The following CACNA1C variants were observed in gnomAD, a reference collection of about 807,000 sequenced individuals.
CACNA1C encodes calcium voltage-gated channel subunit alpha1 C, also known as voltage-dependent L-type calcium channel subunit alpha-1C.
Under a neutral mutation model 229.0 loss-of-function variants are expected in CACNA1C, and 30 were observed. That is an observed-to-expected ratio of 0.13 (90% CI 0.10 to 0.18). The LOEUF is 0.18. Among genes scored for constraint, CACNA1C ranks in the 10% least tolerant of loss-of-function variants. The pLI, the probability that CACNA1C is intolerant of heterozygous loss-of-function variation, is 1.00. For missense variants in CACNA1C, 1,658 were observed against 2,845.0 expected (o/e 0.58, Z 9.49); for synonymous variants, 1,114 against 1,132.5 (o/e 0.98, Z 0.33).
chr12:2,565,963 G>A (rs763839275), intron 11 of CACNA1C, among the ~76,000 whole-genome samples: 8 of 152,168 alleles, frequency 5.3e-5, no homozygotes, highest in Non-Finnish European at 7.3e-5. Flanking sequence ...AGGATAATGC[G>A]TGCTTTGCAG....
intron 1 of CACNA1C, among the ~76,000 whole-genome samples, chr12:2,035,346 G>C (rs2048943393): frequency 6.6e-6 from 1 of 152,238 alleles, no homozygotes; most frequent in African/African-American, 2.4e-5. Context: ...TGGAAACAAA[G>C]AAGGGCTCTG....
At chr12:2,230,970 GTCAATCT>G (rs2154362131) in intron 3 of CACNA1C, among the ~76,000 whole-genome samples, 1 of 152,290 alleles carries the variant, frequency 6.6e-6, no homozygotes, top group East Asian at 1.9e-4. Flanking sequence ...TTCTGACTTT[GTCAATCT>G]CTTAATTTCT....
In CACNA1C at chr12:2,287,391, G is replaced by T. The variant is rs2092847157; in HGVS notation, c.478-161585G>T. ...GCACATGGTGCAGTTCCAGAGAAAT[G>T]AGGGAATGAGAATGAACGTGGCTGC... is the stretch of plus-strand genomic sequence containing the variant. On this transcript the variant is annotated intron_variant, in intron 3 of 46. Transcript: ENST00000399655. The surrounding 1 kb of genome is among the most constrained non-coding windows in gnomAD (Gnocchi z 4.6). Among the ~76,000 whole-genome samples the T allele has an allele frequency of 6.6e-6, 1 of 152,200 alleles. No homozygotes were observed. Among genetic ancestry groups the T allele is most frequent in the African/African-American group, 2.4e-5 (1 of 41,442 alleles).
intron 3 of CACNA1C, among the ~76,000 whole-genome samples, chr12:2,385,036 C>A (rs1164528390): frequency 2.0e-5 from 3 of 152,132 alleles, no homozygotes; most frequent in Non-Finnish European, 1.5e-5. Flanking sequence ...AGTGCTCGCT[C>A]CCCAAGGATT....
At chr12:2,635,167 G>A (rs1011407652) in intron 30 of CACNA1C, among the ~76,000 whole-genome samples, 12 of 151,946 alleles carry the variant, frequency 7.9e-5, no homozygotes, top group Middle Eastern at 3.4e-3. Flanking sequence ...CCCTGCCCTC[G>A]ACCCCTGACC....
At position 2,646,568 on chromosome 12, in the gene CACNA1C, C is replaced by T. The variant is rs1431831916; in HGVS notation, c.3913-1907C>T. On this transcript the variant is annotated intron_variant, in intron 30 of 46. Coordinates refer to ENST00000399655, the MANE Select transcript of CACNA1C (RefSeq NM_000719.7). The surrounding 1 kb of genome is among the most constrained non-coding windows in gnomAD (Gnocchi z 4.6). ...TCCCTCTGGACCTCCCTCCCTGCCC[C>T]ACTGAAGCCTGAGAAACACAGAACT... 1 of 152,196 alleles carries T rather than the reference C, an allele frequency of 6.6e-6. No individual in the cohort carries two copies. The highest frequency in any genetic ancestry group is 1.5e-5 in the Non-Finnish European group (1 of 68,104). The allele number at this position is 152,196 out of a possible 1,614,324, so 9.4% of individuals were successfully genotyped here.
intron 3 of CACNA1C, among the ~76,000 whole-genome samples, chr12:2,304,333 T>TTTCC (rs569512038): frequency 1.6e-3 from 244 of 152,272 alleles, no homozygotes; most frequent in Non-Finnish European, 3.1e-3. Context: ...TTGCAGTTCC[T>TTTCC]TTCCTTCCTT....
At chr12:2,322,937 C>T (rs1413038818) in intron 3 of CACNA1C, among the ~76,000 whole-genome samples, 1 of 152,222 alleles carries the variant, frequency 6.6e-6, no homozygotes, top group Non-Finnish European at 1.5e-5. Context: ...CCTGCTGCAC[C>T]ACGCTGTCCC....
At chr12:2,183,675 A>G (rs796878641) in intron 3 of CACNA1C, among the ~76,000 whole-genome samples, 20 of 152,310 alleles carry the variant, frequency 1.3e-4, no homozygotes, top group African/African-American at 4.8e-4. Context: ...GGGCTGGAGA[A>G]TGAGGGCTTG....
rs2097205513 is a variant in CACNA1C, at chr12:2,682,688, G to C, written c.5573+10G>C. ...TGCTCTCCACAGAGATGTGAGCTCT[G>C]CTGCCCTCTGCTGAGGCTGACCCAA... On this transcript the variant is annotated intron_variant, in intron 43 of 46. Transcript: ENST00000399655. 1 of 1,606,846 alleles carries C rather than the reference G, an allele frequency of 6.2e-7. No homozygotes were observed. The highest frequency in any genetic ancestry group is 1.3e-5 in the African/African-American group (1 of 74,830).
At chr12:2,272,977 C>T (rs2085802451) in intron 3 of CACNA1C, among the ~76,000 whole-genome samples, 1 of 152,214 alleles carries the variant, frequency 6.6e-6, no homozygotes, top group African/African-American at 2.4e-5. Context: ...GTTAGAAGGT[C>T]CCAGTGATAT....
At chr12:2,456,682 G>A (rs926253257) in intron 4 of CACNA1C, among the ~76,000 whole-genome samples, 3 of 152,162 alleles carry the variant, frequency 2.0e-5, no homozygotes, top group African/African-American at 7.2e-5. Context: ...TCACCTGCAG[G>A]GAGTTCTTTG....
intron 3 of CACNA1C, among the ~76,000 whole-genome samples, chr12:2,371,548 C>A (rs2097862826): frequency 6.6e-6 from 1 of 152,108 alleles, no homozygotes; most frequent in Non-Finnish European, 1.5e-5. Context: ...GCATTTCTGA[C>A]AAGCTCTCAA....
At chr12:2,049,929 A>T (rs2051827648), upstream of CACNA1C, among the ~76,000 whole-genome samples, 1 of 152,240 alleles carries the variant, frequency 6.6e-6, no homozygotes, top group Admixed American at 6.5e-5. Context: ...TATTTAGGAA[A>T]TACCTTTTTC....
intron 42 of CACNA1C, chr12:2,680,561 C>A: frequency 6.4e-7 from 1 of 1,565,998 alleles, no homozygotes; most frequent in African/African-American, 1.4e-5. Context: ...GCTGCACAGC[C>A]CCCCAGCATG....
At chr12:2,381,727 C>T (rs949839341) in intron 3 of CACNA1C, among the ~76,000 whole-genome samples, 6 of 152,218 alleles carry the variant, frequency 3.9e-5, no homozygotes, top group African/African-American at 1.4e-4. Flanking sequence ...GCTACCTTCT[C>T]ATCATCTCAC....
At chr12:2,314,511 C>A (rs1387499478) in intron 3 of CACNA1C, among the ~76,000 whole-genome samples, 2 of 152,188 alleles carry the variant, frequency 1.3e-5, no homozygotes. Context: ...TCACTGCCTC[C>A]CTTCCCCAGG....
intron 30 of CACNA1C, among the ~76,000 whole-genome samples, chr12:2,640,985 C>T (rs1445741835): frequency 6.6e-6 from 1 of 152,222 alleles, no homozygotes; most frequent in African/African-American, 2.4e-5. Context: ...GTGGGCCTGG[C>T]TGTCTCTGTC....
At chr12:2,045,122 G>A (rs1193599499) in intron 1 of CACNA1C, among the ~76,000 whole-genome samples, 1 of 152,158 alleles carries the variant, frequency 6.6e-6, no homozygotes, top group African/African-American at 2.4e-5. Context: ...AATAGAATGA[G>A]GGTTGATGGC....
Sources: gnomAD v4.1 joint callset for allele counts (sites outside exome capture counted in the v4.1 genomes callset) on GRCh38, gnomAD v4.1.1 for gene constraint, Gnocchi (gnomAD v3.1) non-coding constraint, MANE v1.5 for transcripts, NCBI Gene and HGNC (gene_info 2026-07-23, HGNC 2026-07-21) for gene names.